Variants in ATP6V0A4 observed in about 807,000 individuals in gnomAD.
The protein encoded by ATP6V0A4 is V-type proton ATPase 116 kDa subunit a 4.
ATP6V0A4 carries 86 observed loss-of-function variants against 107.3 expected under a neutral mutation model. That is an observed-to-expected ratio of 0.80 (90% CI 0.67 to 0.96). The LOEUF (loss-of-function observed/expected upper bound fraction) is 0.96. Ranked by LOEUF, ATP6V0A4 falls within the 40% of genes least tolerant of loss-of-function variation. ATP6V0A4 has a pLI of 0.00. For missense variants in ATP6V0A4, 908 were observed against 1,045.6 expected (o/e 0.87, Z 1.81); for synonymous variants, 353 against 381.4 (o/e 0.93, Z 0.87).
intron 14 of ATP6V0A4, among the ~76,000 whole-genome samples, chr7:138,741,827 C>T (rs150143573): frequency 2.0e-5 from 3 of 152,160 alleles, no homozygotes; most frequent in Admixed American, 1.3e-4. Flanking sequence ...AGACCCAGGT[C>T]GCAGCTGGTG....
At position 138,743,366 on chromosome 7, in the gene ATP6V0A4, G is replaced by A. The variant is rs1805734242; in HGVS notation, c.1478+1757C>T. ...CCAGCTACTCAGGAGGCTGAGGCAG[G>A]AGAATCGCTTGAACCCGGGAGGTGG... On this transcript the variant is annotated intron_variant, in intron 14 of 21. Transcript: ENST00000310018. 2.6e-5 allele frequency among the ~76,000 whole-genome samples: 4 copies of A among 151,186 alleles called. No individual in the cohort carries two copies. In the South Asian group the frequency reaches 6.3e-4, roughly 24 times the overall value.
intron 2 of ATP6V0A4, among the ~76,000 whole-genome samples, chr7:138,774,516 G>C (rs924564330): frequency 6.6e-6 from 1 of 151,188 alleles, no homozygotes; most frequent in African/African-American, 2.4e-5. Context: ...AGGAAGCAGA[G>C]GTTGCAGTGA....
At chr7:138,742,689 ATT>A (rs5887901) in intron 14 of ATP6V0A4, among the ~76,000 whole-genome samples, 370 of 140,180 alleles carry the variant, frequency 2.6e-3, no homozygotes, top group African/African-American at 6.0e-3. Flanking sequence ...TGCCCAGCTA[ATT>A]TTTTTTTTTT....
At chr7:138,767,609 T>C (rs887351334) in intron 5 of ATP6V0A4, among the ~76,000 whole-genome samples, 1 of 149,610 alleles carries the variant, frequency 6.7e-6, no homozygotes, top group African/African-American at 2.5e-5. Context: ...ATACTACTCA[T>C]GGCTTTGAAA....
At chr7:138,756,200 T>C (rs1806504511) in intron 9 of ATP6V0A4, among the ~76,000 whole-genome samples, 1 of 152,246 alleles carries the variant, frequency 6.6e-6, no homozygotes, top group Non-Finnish European at 1.5e-5. Context: ...GAGCAGCTGA[T>C]GAAAAGTCTC....
At chr7:138,752,402 T>C (rs1053108887) in intron 11 of ATP6V0A4, among the ~76,000 whole-genome samples, 1 of 150,426 alleles carries the variant, frequency 6.6e-6, no homozygotes, top group African/African-American at 2.4e-5. Context: ...CAATACGTAC[T>C]CACAAAAGGT....
At chr7:138,775,743 T>C (rs994889076) in intron 2 of ATP6V0A4, among the ~76,000 whole-genome samples, 5 of 148,738 alleles carry the variant, frequency 3.4e-5, no homozygotes, top group African/African-American at 7.4e-5. Context: ...CTCTGCCTCC[T>C]GGGTTCACGC....
chr7:138,750,741 C>T (rs757119238), intron 11 of ATP6V0A4, among the ~76,000 whole-genome samples: 20 of 152,348 alleles, frequency 1.3e-4, no homozygotes, highest in South Asian at 4.1e-4. Flanking sequence ...AGGACGCACC[C>T]CCGCCCTGCT....
intron 11 of ATP6V0A4, among the ~76,000 whole-genome samples, chr7:138,750,941 C>A (rs1187576335): frequency 6.6e-6 from 1 of 152,080 alleles, no homozygotes; most frequent in African/African-American, 2.4e-5. Flanking sequence ...AAAGAAAGCT[C>A]CCACCTTCTA....
In ATP6V0A4 at chr7:138,732,520, G is replaced by A. The variant is rs186686461; in HGVS notation, c.1908+357C>T. ...CTCAAGAGTAGGAGAGAGGCCAGGT[G>A]CGGTGGCTCACACCTGTAATCCCAG... On this transcript the variant is annotated intron_variant, in intron 17 of 21. Coordinates refer to ENST00000310018, the MANE Select transcript of ATP6V0A4 (RefSeq NM_020632.3). Among the ~76,000 whole-genome samples, 496 of 152,168 alleles carry A rather than the reference G, an allele frequency of 3.3e-3. 4 individuals carry two copies. The highest frequency in any genetic ancestry group is 0.012 in the African/African-American group (480 of 41,534).
chr7:138,763,195 A>G, intron 5 of ATP6V0A4, 170 bp from the exon 6 acceptor site: 1 of 352,960 alleles, frequency 2.8e-6, no homozygotes, highest in Non-Finnish European at 4.0e-6. Flanking sequence ...AGACACACAC[A>G]CACACACACA....
intron 9 of ATP6V0A4, 50 bp downstream of exon 9, chr7:138,756,408 T>G: frequency 6.2e-7 from 1 of 1,613,018 alleles, no homozygotes; most frequent in Non-Finnish European, 8.5e-7. Context: ...CATCTCTTTA[T>G]CTAATCCTGG....
intron 13 of ATP6V0A4, among the ~76,000 whole-genome samples, chr7:138,745,560 C>T (rs893607405): frequency 6.0e-5 from 9 of 150,396 alleles, no homozygotes; most frequent in Non-Finnish European, 1.2e-4. Context: ...GCCTGTAATC[C>T]CAGCTACTTG....
Position 138,732,793 on chromosome 7 carries a change from C to CA in ATP6V0A4, c.1908+83dup, listed in dbSNP as rs1222586282. Reference sequence around the variant, plus strand: ...TGGGTGACAGAGCAAGACTCTTTCTCAAAAAAAAAAAAAGAGTAGGAGAGA... The same window carrying CA: ...TGGGTGACAGAGCAAGACTCTTTCTCAAAAAAAAAAAAAAGAGTAGGAGAGA... On this transcript the variant is annotated intron_variant, in intron 17 of 21. Transcript: ENST00000310018. 192,241 of 980,628 alleles carry CA rather than the reference C, an allele frequency of 0.2. 404 individuals carry two copies. Among genetic ancestry groups the CA allele is most frequent in the East Asian group, 0.21 (5,735 of 27,162 alleles). 60.7% of individuals were successfully genotyped at this position (980,628 alleles called of 1,614,324 possible). A position where few individuals can be genotyped will look rare whatever the true frequency, so the allele number is the denominator to read the frequency against.
intron 21 of ATP6V0A4, among the ~76,000 whole-genome samples, chr7:138,708,632 A>T (rs1039783259): frequency 5.3e-5 from 8 of 152,204 alleles, no homozygotes; most frequent in Non-Finnish European, 1.2e-4. Context: ...TCATCAACCT[A>T]ACGACGGCTG....
At chr7:138,740,853 G>A (rs1436008881) in intron 14 of ATP6V0A4, among the ~76,000 whole-genome samples, 1 of 151,682 alleles carries the variant, frequency 6.6e-6, no homozygotes, top group African/African-American at 2.4e-5. Flanking sequence ...TTGAAATGAT[G>A]AGGAACAGGC....
At chr7:138,766,419 T>C (rs1040732823) in intron 5 of ATP6V0A4, among the ~76,000 whole-genome samples, 2 of 152,154 alleles carry the variant, frequency 1.3e-5, no homozygotes, top group African/African-American at 4.8e-5. Context: ...TTAGTCAGGC[T>C]GGTCTCGAAC....
intron 19 of ATP6V0A4, among the ~76,000 whole-genome samples, chr7:138,718,364 G>GTGTGTGTGTGTGTGTGTGTGTGT (rs1804214258): frequency 9.6e-6 from 1 of 104,556 alleles, no homozygotes; most frequent in African/African-American, 3.8e-5. Context: ...GAAGGAAGGG[G>GTGTGTGTGTGTGTGTGTGTGTGT]GGAATGCAGT....
intron 15 of ATP6V0A4, among the ~76,000 whole-genome samples, chr7:138,738,245 C>G (rs1316068319): frequency 6.6e-6 from 1 of 152,158 alleles, no homozygotes; most frequent in Non-Finnish European, 1.5e-5. Flanking sequence ...TCTTTTCTAA[C>G]TTGTGGGCAG....
Sources: allele counts gnomAD v4.1 joint callset (sites outside exome capture counted in the v4.1 genomes callset), GRCh38; gene constraint gnomAD v4.1.1; transcripts MANE v1.5; gene names NCBI Gene and HGNC (gene_info 2026-07-23, HGNC 2026-07-21).